The following PCDHA3 variants were observed in gnomAD, a reference collection of about 807,000 sequenced individuals.
PCDHA3 encodes protocadherin alpha 3, also known as protocadherin alpha-3.
PCDHA3 carries 41 observed loss-of-function variants against 62.2 expected under a neutral mutation model. The observed-to-expected ratio is 0.66, with a 90% CI of 0.51 to 0.86. The LOEUF (loss-of-function observed/expected upper bound fraction) is 0.86. PCDHA3 is among the 40% of genes least tolerant of loss of function. The pLI is 0.00. For synonymous variants in PCDHA3, 640 were observed against 555.4 expected (o/e 1.15, Z -2.14); for missense variants, 1,304 against 1,241.2 (o/e 1.05, Z -0.76).
intron 1 of PCDHA3, among the ~76,000 whole-genome samples, chr5:140,896,682 C>A (rs573518532): frequency 6.6e-6 from 1 of 152,124 alleles, no homozygotes; most frequent in African/African-American, 2.4e-5. Flanking sequence ...CGGCCCTTTG[C>A]CCATTTTTTG....
intron 1 of PCDHA3, among the ~76,000 whole-genome samples, chr5:140,971,546 A>G (rs1236125448): frequency 6.6e-6 from 1 of 152,146 alleles, no homozygotes; most frequent in African/African-American, 2.4e-5. Context: ...TGCCAGATCA[A>G]CCTGTTAAAT....
intron 1 of PCDHA3, chr5:140,809,647 A>C: frequency 6.7e-7 from 1 of 1,500,206 alleles, no homozygotes; most frequent in Non-Finnish European, 8.9e-7. Context: ...TTTATTTCTA[A>C]GAGTCAAATT....
At chr5:140,980,436 C>T (rs1364418994) in intron 2 of PCDHA3, among the ~76,000 whole-genome samples, 1 of 152,134 alleles carries the variant, frequency 6.6e-6, no homozygotes, top group Admixed American at 6.5e-5. Context: ...TCGAGACCAT[C>T]CTGGACAACA....
chr5:140,823,111 G>T (rs2150122430), intron 1 of PCDHA3: 3 of 1,614,060 alleles, frequency 1.9e-6, no homozygotes, highest in Non-Finnish European at 1.7e-6. Flanking sequence ...GGAAGTGGCC[G>T]ACGTGAACGA....
rs527638271 is a variant in PCDHA3, at chr5:140,882,967, G to A, written c.2394+79376G>A. 3.1e-4 allele frequency: 497 copies of A among 1,614,172 alleles called. 6 individuals are homozygous for A. In the South Asian group the frequency reaches 5.0e-3, roughly 16 times the overall value. On this transcript the variant is annotated intron_variant, in intron 1 of 3. Transcript: ENST00000522353. Reference sequence around the variant, plus strand: ...CAGTTCAGCTGCTCATCACGATTCTGGACGTGAATGACAACGCCCCGGAAT... The same window carrying A: ...CAGTTCAGCTGCTCATCACGATTCTAGACGTGAATGACAACGCCCCGGAAT...
rs143264790 is a variant in PCDHA3 at position 140,829,783 on chromosome 5, G to A, written c.2394+26192G>A. 692 of 1,613,800 alleles carry A rather than the reference G, an allele frequency of 4.3e-4. 1 individual carries two copies. Among genetic ancestry groups the A allele is most frequent in the Non-Finnish European group, 5.5e-4 (653 of 1,179,870 alleles). ...TGGACGAGAACGACAACGCGCCGGC[G>A]CTGCTGGCGCCTCGGGTGGGTGGTA... On this transcript the variant is annotated intron_variant, in intron 1 of 3. Transcript: ENST00000522353.
chr5:140,934,868 G>A (rs2090080725), intron 1 of PCDHA3, among the ~76,000 whole-genome samples: 1 of 152,128 alleles, frequency 6.6e-6, no homozygotes, highest in African/African-American at 2.4e-5. Flanking sequence ...CTTTGTGAGT[G>A]TGTTTGTGTA....
chr5:140,903,339 A>T (rs1176958912), intron 1 of PCDHA3, among the ~76,000 whole-genome samples: 1 of 152,206 alleles, frequency 6.6e-6, no homozygotes, highest in African/African-American at 2.4e-5. Context: ...GAAAGGATGC[A>T]TTTTAAAAAA....
chr5:140,802,814 T>C lies in PCDHA3; in HGVS notation c.1617T>C (p.Asp539=), dbSNP rs145590069. The part of the protein sequence containing the change: ...ELLQFQVSAR[D]AGVPPLGSNV... ...TGCAGTTCCAGGTGAGTGCGCGCGA[T>C]GCGGGCGTGCCGCCTCTGGGCAGCA... The change falls in exon 1 of 4, where the codon GAT becomes GAC. Residue 539 remains aspartate (D), a synonymous_variant. Coordinates refer to ENST00000522353, the MANE Select transcript of PCDHA3 (RefSeq NM_018906.3). 4.2e-4 allele frequency: 679 copies of C among 1,613,428 alleles called. 2 individuals are homozygous for C. In the African/African-American group the frequency reaches 8.4e-3, roughly 20 times the overall value.
At chr5:140,977,140 G>A (rs2096748068) in intron 1 of PCDHA3, among the ~76,000 whole-genome samples, 1 of 152,202 alleles carries the variant, frequency 6.6e-6, no homozygotes, top group Non-Finnish European at 1.5e-5. Context: ...GGTCAGTCCT[G>A]CTGGAACTGT....
At chr5:140,848,403 G>A (rs1052101954) in intron 1 of PCDHA3, 4 of 1,316,724 alleles carry the variant, frequency 3.0e-6, no homozygotes. Context: ...GCTGAACGAT[G>A]GCGAACACAG....
intron 1 of PCDHA3, among the ~76,000 whole-genome samples, chr5:140,873,700 A>G (rs1411262715): frequency 3.3e-5 from 5 of 152,202 alleles, no homozygotes; most frequent in African/African-American, 1.2e-4. Flanking sequence ...TTGCTCTATC[A>G]CCCAGGCTGG....
intron 1 of PCDHA3, chr5:140,926,761 T>G: frequency 7.6e-7 from 1 of 1,323,628 alleles, no homozygotes; most frequent in East Asian, 2.8e-5. Context: ...TCGCTGAGTA[T>G]CCAGCCCGCA....
rs370307660 is a variant in PCDHA3 at position 140,924,901 on chromosome 5, A to T, written c.2395-54048A>T. On this transcript the variant is annotated intron_variant, in intron 1 of 3. Transcript: ENST00000522353. The stretch of plus-strand genomic sequence containing the variant: ...CAGAGCAAGAACCTGTCTCAAAAAA[A>T]AAAATAAAATAAAATAAAATAAAAT... Among the ~76,000 whole-genome samples, 368 of 80,482 alleles carry T rather than the reference A, an allele frequency of 4.6e-3. 1 individual carries two copies. Among genetic ancestry groups the T allele is most frequent in the East Asian group, 9.1e-3 (17 of 1,868 alleles). The allele number at this position is 80,482 out of a possible 152,430, so 52.8% of individuals were successfully genotyped here. A position where few individuals can be genotyped will look rare whatever the true frequency, so the allele number is the denominator to read the frequency against.
rs150822529 is a variant in PCDHA3 at position 140,836,094 on chromosome 5, G to A, written c.2394+32503G>A. 2.0e-4 allele frequency: 328 copies of A among 1,613,708 alleles called. No individual in the cohort carries two copies. Among genetic ancestry groups the A allele is most frequent in the Admixed American group, 3.7e-4 (22 of 60,012 alleles). ...GCCGGCACTGCTGGCGCCTCGGGTG[G>A]GTGGCACTGGTGGCGCAGTGAGAGA... On this transcript the variant is annotated intron_variant, in intron 1 of 3. Transcript: ENST00000522353.
chr5:140,920,054 C>A (rs1332238212), intron 1 of PCDHA3, among the ~76,000 whole-genome samples: 1 of 152,150 alleles, frequency 6.6e-6, no homozygotes, highest in Non-Finnish European at 1.5e-5. Context: ...CAGCCACCAA[C>A]ACCTGGAAAA....
In PCDHA3 at chr5:141,011,716, A is replaced by G. The variant is rs975588316; in HGVS notation, c.*1779A>G. 6.5e-6 allele frequency: 1 copy of G among 153,764 alleles called. No homozygotes were observed. Among genetic ancestry groups the G allele is most frequent in the African/African-American group, 2.4e-5 (1 of 41,450 alleles). 9.5% of individuals were successfully genotyped at this position (153,764 alleles called of 1,614,324 possible). On this transcript the variant is annotated 3_prime_UTR_variant, in exon 4 of 4. Transcript: ENST00000522353. Reference sequence around the variant, plus strand: ...TTGGAATGAATACTGACAATATTCCATGAGGGTGTGCAAGCACAAATTTTA... The same window carrying G: ...TTGGAATGAATACTGACAATATTCCGTGAGGGTGTGCAAGCACAAATTTTA...
At chr5:140,961,690 C>T (rs573918307) in intron 1 of PCDHA3, among the ~76,000 whole-genome samples, 2 of 152,154 alleles carry the variant, frequency 1.3e-5, no homozygotes, top group African/African-American at 4.8e-5. Context: ...CGGAGTAGTC[C>T]TTAGTATGAA....
chr5:140,975,903 C>A (rs1189531342), intron 1 of PCDHA3, among the ~76,000 whole-genome samples: 1 of 152,090 alleles, frequency 6.6e-6, no homozygotes, highest in Admixed American at 6.6e-5. Context: ...AGTTTTGTGA[C>A]CATTATTCTA....
Sources: gnomAD v4.1 joint callset for allele counts (sites outside exome capture counted in the v4.1 genomes callset) on GRCh38, gnomAD v4.1.1 for gene constraint, MANE v1.5 for transcripts, NCBI Gene and HGNC (gene_info 2026-07-23, HGNC 2026-07-21) for gene names.